The following SOX5 variants were observed in gnomAD, a reference collection of about 807,000 sequenced individuals.
SOX5 encodes the protein SRY-box transcription factor 5, also known as transcription factor SOX-5.
SOX5 carries 9 observed loss-of-function variants against 92.0 expected under a neutral mutation model. The ratio of observed to expected loss-of-function variants is 0.10; its 90% CI spans 0.06 to 0.17. The LOEUF is 0.17. Ranked by LOEUF, SOX5 falls within the 10% of genes least tolerant of loss-of-function variation. The pLI, the probability that SOX5 is intolerant of heterozygous loss-of-function variation, is 1.00. For synonymous variants in SOX5, 344 were observed against 336.3 expected (o/e 1.02, Z -0.25); for missense variants, 642 against 944.5 (o/e 0.68, Z 4.20).
intron 9 of SOX5, among the ~76,000 whole-genome samples, chr12:23,576,904 A>G (rs1949206595): frequency 6.6e-6 from 1 of 151,772 alleles, no homozygotes; most frequent in Admixed American, 6.6e-5. Flanking sequence ...ATTGTAGAAT[A>G]AAAATTTAGT....
chr12:24,057,520 A>C (rs1418219204), intron 4 of SOX5, among the ~76,000 whole-genome samples: 1 of 152,174 alleles, frequency 6.6e-6, no homozygotes, highest in Non-Finnish European at 1.5e-5. Context: ...TTTCTACATG[A>C]TGTAATCGTT....
chr12:24,307,504 A>AGGAGGGAG (rs1565874128), intron 2 of SOX5, among the ~76,000 whole-genome samples: 1 of 36,124 alleles, frequency 2.8e-5, no homozygotes, highest in African/African-American at 5.0e-5. Context: ...GAAGGAAGGA[A>AGGAGGGAG]GGAAGGAAGG....
At chr12:23,965,425 T>TG (rs1210934086) in intron 4 of SOX5, among the ~76,000 whole-genome samples, 4 of 151,968 alleles carry the variant, frequency 2.6e-5, no homozygotes, top group Non-Finnish European at 5.9e-5. Flanking sequence ...CACAGTTAGA[T>TG]GGGGGGGACC....
At chr12:24,314,657 C>T (rs1416937791) in intron 2 of SOX5, among the ~76,000 whole-genome samples, 8 of 152,184 alleles carry the variant, frequency 5.3e-5, no homozygotes, top group South Asian at 4.1e-4. Flanking sequence ...ATGCCCTATG[C>T]GGCCTAAATA....
At chr12:23,915,717 C>T (rs1481762582) in intron 1 of SOX5, among the ~76,000 whole-genome samples, 2 of 152,026 alleles carry the variant, frequency 1.3e-5, no homozygotes, top group African/African-American at 4.8e-5. Flanking sequence ...AAGAAATTCC[C>T]ACCATGTGCT....
At chr12:23,682,127 A>G (rs2086727793) in intron 6 of SOX5, among the ~76,000 whole-genome samples, 2 of 151,842 alleles carry the variant, frequency 1.3e-5, no homozygotes, top group South Asian at 2.1e-4. Flanking sequence ...ATTACAGAAT[A>G]CAAATTCTTT....
At chr12:24,099,887 G>A (rs1056708677) in intron 4 of SOX5, among the ~76,000 whole-genome samples, 1 of 152,066 alleles carries the variant, frequency 6.6e-6, no homozygotes, top group Admixed American at 6.6e-5. Flanking sequence ...TGTAAATCTT[G>A]TCTCTTATCT....
chr12:23,747,144 G>A (rs771311433), intron 4 of SOX5, among the ~76,000 whole-genome samples: 14 of 151,906 alleles, frequency 9.2e-5, no homozygotes, highest in Non-Finnish European at 2.1e-4. Context: ...CAAAATCCAG[G>A]TGTTCATTTT....
At chr12:23,809,671 C>G (rs1054067263) in intron 3 of SOX5, among the ~76,000 whole-genome samples, 1 of 148,644 alleles carries the variant, frequency 6.7e-6, no homozygotes, top group Admixed American at 6.7e-5. Flanking sequence ...AGCAGAAAAT[C>G]TATAGTTTTT....
intron 4 of SOX5, 146 bp from the exon 5 acceptor site, chr12:23,741,185 C>T (rs555144907): frequency 3.3e-5 from 18 of 544,936 alleles, no homozygotes; most frequent in South Asian, 2.0e-4. Flanking sequence ...TACATTTTCA[C>T]GCAACAGTAA....
intron 3 of SOX5, among the ~76,000 whole-genome samples, chr12:23,772,472 C>T (rs778679442): frequency 5.3e-5 from 8 of 152,182 alleles, no homozygotes; most frequent in South Asian, 2.1e-4. Context: ...ATTTGAAATA[C>T]GTGTATGTCT....
At chr12:24,448,097 G>T (rs779520997) in intron 1 of SOX5, among the ~76,000 whole-genome samples, 41 of 152,136 alleles carry the variant, frequency 2.7e-4, no homozygotes, top group Non-Finnish European at 5.3e-4. Flanking sequence ...CAGGAGAATT[G>T]CTTGAACCCG....
rs1356426356 is a variant in SOX5, at chr12:23,570,927, AAAAATATATATATATATATAT to A, written c.1342+4713_1342+4733del. 6.2e-3 allele frequency among the ~76,000 whole-genome samples: 152 copies of A among 24,482 alleles called. 9 individuals are homozygous for A. Among genetic ancestry groups the A allele is most frequent in the African/African-American group, 0.018 (102 of 5,678 alleles). The allele number at this position is 24,482 out of a possible 152,430, so 16.1% of individuals were successfully genotyped here. A position where few individuals can be genotyped will look rare whatever the true frequency, so the allele number is the denominator to read the frequency against. On this transcript the variant is annotated intron_variant, in intron 10 of 14. Transcript: ENST00000451604. ...CTCCAACTCAAAAAAAAAAAAAAAAAAAAATATATATATATATATATATATATATATATATATATATATATA... is the reference window on the plus strand; with the variant it reads ...CTCCAACTCAAAAAAAAAAAAAAAAAATATATATATATATATATATATATA...
chr12:24,001,921 A>G (rs1951648208), intron 4 of SOX5, among the ~76,000 whole-genome samples: 1 of 152,112 alleles, frequency 6.6e-6, no homozygotes, highest in Non-Finnish European at 1.5e-5. Context: ...CTATGATCAC[A>G]TCATTGTACC....
At chr12:24,053,116 G>A (rs534324158) in intron 4 of SOX5, among the ~76,000 whole-genome samples, 1 of 151,312 alleles carries the variant, frequency 6.6e-6, no homozygotes, top group Non-Finnish European at 1.5e-5. Flanking sequence ...TCTTTACTTT[G>A]ATATGTGGTA....
chr12:23,639,682 A>T (rs10734727), intron 8 of SOX5, among the ~76,000 whole-genome samples: 125,844 of 152,162 alleles, frequency 0.83, 52,211 homozygotes, highest in Middle Eastern at 0.91. Context: ...ACAGAAAAGG[A>T]AGAATAGAAA....
At chr12:23,669,933 G>A (rs2084482960) in intron 6 of SOX5, among the ~76,000 whole-genome samples, 1 of 152,170 alleles carries the variant, frequency 6.6e-6, no homozygotes. Context: ...CACGCTATGG[G>A]AAGCCAGAAG....
chr12:23,950,876 T>C (rs1354405901), upstream of SOX5: 3 of 1,535,158 alleles, frequency 2.0e-6, no homozygotes, highest in African/African-American at 4.1e-5. Flanking sequence ...TACACAGACA[T>C]GCATGCAGAG....
chr12:24,236,849 TG>T (rs375562051), intron 3 of SOX5, among the ~76,000 whole-genome samples: 1 of 151,066 alleles, frequency 6.6e-6, no homozygotes. Flanking sequence ...AATAAACACG[TG>T]GGGGCACTGA....
Sources: gnomAD v4.1 joint callset for allele counts (sites outside exome capture counted in the v4.1 genomes callset) on GRCh38, gnomAD v4.1.1 for gene constraint, MANE v1.5 for transcripts, NCBI Gene and HGNC (gene_info 2026-07-23, HGNC 2026-07-21) for gene names.